Variants in HS6ST3 observed in about 807,000 individuals in gnomAD.
HS6ST3 encodes heparan-sulfate 6-O-sulfotransferase 3.
In HS6ST3, 12 loss-of-function variants were observed where a neutral mutation model predicts 36.7. The ratio of observed to expected loss-of-function variants is 0.33; its 90% CI spans 0.21 to 0.53. The LOEUF is 0.53. Among genes scored for constraint, HS6ST3 ranks in the 20% least tolerant of loss-of-function variants. HS6ST3 has a pLI of 0.95. For missense variants in HS6ST3, 584 were observed against 640.9 expected, an observed-to-expected ratio of 0.91 and a Z score of 0.96; for synonymous variants, 240 against 257.5, an observed-to-expected ratio of 0.93 and a Z score of 0.65.
intron 1 of HS6ST3, among the ~76,000 whole-genome samples, chr13:96,614,083 G>A (rs1037126536): frequency 6.6e-6 from 1 of 151,862 alleles, no homozygotes; most frequent in African/African-American, 2.4e-5. Context: ...CGAATGAGGA[G>A]GTCAGGAGAT....
intron 1 of HS6ST3, among the ~76,000 whole-genome samples, chr13:96,525,030 A>G (rs1433420112): frequency 1.3e-5 from 2 of 151,848 alleles, no homozygotes; most frequent in East Asian, 3.9e-4. Context: ...ATACAAGTGA[A>G]GTTTTGTTAT....
intron 1 of HS6ST3, among the ~76,000 whole-genome samples, chr13:96,576,475 T>C (rs1296208936): frequency 6.6e-6 from 1 of 152,154 alleles, no homozygotes; most frequent in Non-Finnish European, 1.5e-5. Flanking sequence ...AAGAATTATA[T>C]AGGTCTACAC....
chr13:96,589,931 G>A (rs928274391), intron 1 of HS6ST3, among the ~76,000 whole-genome samples: 5 of 152,108 alleles, frequency 3.3e-5, no homozygotes, highest in African/African-American at 1.2e-4. Context: ...GTTATAAGAT[G>A]TGAAGTTTGT....
At chr13:96,801,577 A>G (rs1427234044) in intron 1 of HS6ST3, among the ~76,000 whole-genome samples, 1 of 152,034 alleles carries the variant, frequency 6.6e-6, no homozygotes, top group Non-Finnish European at 1.5e-5. Context: ...ACATTCTCTT[A>G]CATAATCTCA....
intron 1 of HS6ST3, among the ~76,000 whole-genome samples, chr13:96,625,323 A>G (rs1385672809): frequency 1.3e-5 from 2 of 152,136 alleles, no homozygotes; most frequent in Non-Finnish European, 2.9e-5. Context: ...GGTTCGGGAA[A>G]CAAGTCCTTC....
intron 1 of HS6ST3, among the ~76,000 whole-genome samples, chr13:96,447,693 C>T (rs1455361333): frequency 3.3e-5 from 5 of 152,138 alleles, no homozygotes; most frequent in Admixed American, 1.3e-4. Context: ...CCAGTTTTTT[C>T]TAGGGCTACG....
chr13:96,549,895 C>T (rs1003667954), intron 1 of HS6ST3, among the ~76,000 whole-genome samples: 2 of 152,100 alleles, frequency 1.3e-5, no homozygotes, highest in African/African-American at 2.4e-5. Flanking sequence ...TCTCTGACTT[C>T]AGCAGGCCAA....
chr13:96,252,235 T>C (rs1321466082), intron 1 of HS6ST3, among the ~76,000 whole-genome samples: 1 of 152,248 alleles, frequency 6.6e-6, no homozygotes, highest in East Asian at 1.9e-4. Context: ...TTACAATTGA[T>C]GTATTCTCTT....
intron 1 of HS6ST3, among the ~76,000 whole-genome samples, chr13:96,400,355 C>T (rs1306710636): frequency 1.3e-5 from 2 of 151,612 alleles, no homozygotes; most frequent in Non-Finnish European, 2.9e-5. Flanking sequence ...ATTCTTGACT[C>T]CTGAATAGGC....
chr13:96,424,142 G>GT (rs773725127), intron 1 of HS6ST3, among the ~76,000 whole-genome samples: 17 of 152,050 alleles, frequency 1.1e-4, no homozygotes, highest in Admixed American at 4.6e-4. Flanking sequence ...TTAGAGATAA[G>GT]TTTTTTTTGC....
At chr13:96,287,327 A>G (rs1431381464) in intron 1 of HS6ST3, among the ~76,000 whole-genome samples, 1 of 152,180 alleles carries the variant, frequency 6.6e-6, no homozygotes, top group Non-Finnish European at 1.5e-5. Flanking sequence ...AATATATAGA[A>G]AAATCTTATA....
At chr13:96,654,509 A>G (rs570664809) in intron 1 of HS6ST3, among the ~76,000 whole-genome samples, 22 of 152,280 alleles carry the variant, frequency 1.4e-4, no homozygotes, top group Non-Finnish European at 2.2e-4. Flanking sequence ...GTCAAAGCTC[A>G]GAAGGTTATA....
At chr13:96,480,022 T>C (rs1366213261) in intron 1 of HS6ST3, among the ~76,000 whole-genome samples, 1 of 152,150 alleles carries the variant, frequency 6.6e-6, no homozygotes, top group African/African-American at 2.4e-5. Flanking sequence ...AAGTACAGTT[T>C]TCTGTGTGCT....
chr13:96,099,250 G>C (rs2053806401), intron 1 of HS6ST3, among the ~76,000 whole-genome samples: 1 of 152,244 alleles, frequency 6.6e-6, no homozygotes, highest in South Asian at 2.1e-4. Flanking sequence ...ACACATATAT[G>C]TTGTTTTTAT....
intron 1 of HS6ST3, among the ~76,000 whole-genome samples, chr13:96,417,770 ATCC>A (rs746731665): frequency 2.0e-5 from 3 of 150,100 alleles, no homozygotes; most frequent in Non-Finnish European, 4.4e-5. Flanking sequence ...ATAATAGTCT[ATCC>A]TCATTATTCA....
chr13:96,144,138 T>C (rs530195), intron 1 of HS6ST3, among the ~76,000 whole-genome samples: 147,644 of 152,222 alleles, frequency 0.97, 71,773 homozygotes, highest in East Asian at 1. Flanking sequence ...TTCATCAGTT[T>C]AAGGAGGATA....
intron 1 of HS6ST3, among the ~76,000 whole-genome samples, chr13:96,789,977 G>A (rs1218812927): frequency 6.6e-6 from 1 of 151,484 alleles, no homozygotes; most frequent in African/African-American, 2.4e-5. Flanking sequence ...GATGTTTTGG[G>A]TCATTATTTC....
At chr13:96,244,064 A>G (rs901561928) in intron 1 of HS6ST3, among the ~76,000 whole-genome samples, 1 of 152,098 alleles carries the variant, frequency 6.6e-6, no homozygotes, top group Admixed American at 6.5e-5. Flanking sequence ...GAAGATAATA[A>G]AGCTGTTTTT....
intron 1 of HS6ST3, among the ~76,000 whole-genome samples, chr13:96,120,154 A>G (rs994798309): frequency 7.9e-5 from 12 of 152,242 alleles, no homozygotes; most frequent in African/African-American, 2.7e-4. Context: ...TTATGCAGCT[A>G]TAAGCCAAGA....
Sources: gnomAD v4.1 joint callset for allele counts (sites outside exome capture counted in the v4.1 genomes callset) on GRCh38, gnomAD v4.1.1 for gene constraint, MANE v1.5 for transcripts, NCBI Gene and HGNC (gene_info 2026-07-23, HGNC 2026-07-21) for gene names.